The following COG6 variants were observed in gnomAD, a reference collection of about 807,000 sequenced individuals.
COG6 encodes component of oligomeric golgi complex 6, also known as conserved oligomeric Golgi complex subunit 6.
Under a neutral mutation model 88.8 loss-of-function variants are expected in COG6, and 74 were observed. The observed-to-expected ratio is 0.83, with a 90% CI of 0.69 to 1.01. The LOEUF is 1.01. Among genes scored for constraint, COG6 ranks in the 50% least tolerant of loss-of-function variants. The pLI, the probability that COG6 is intolerant of heterozygous loss-of-function variation, is 0.00. For synonymous variants in COG6, 286 were observed against 278.7 expected (o/e 1.03, Z -0.26); for missense variants, 800 against 797.9 (o/e 1.00, Z -0.03).
intron 5 of COG6, 24 bp from the exon 6 acceptor site, chr13:39,679,513 TA>T (rs1259109797): frequency 2.2e-5 from 29 of 1,320,782 alleles, no homozygotes; most frequent in Non-Finnish European, 3.2e-5. Context: ...AGCATGGACA[TA>T]AAGTCACATT....
chr13:39,658,181 C>T (rs1005603449), intron 1 of COG6, among the ~76,000 whole-genome samples: 1 of 147,642 alleles, frequency 6.8e-6, no homozygotes, highest in East Asian at 2.0e-4. Flanking sequence ...CTCACTCTGT[C>T]GCCCAGGCTG....
chr13:39,718,038 T>G (rs960674430), intron 13 of COG6, among the ~76,000 whole-genome samples: 11 of 152,194 alleles, frequency 7.2e-5, no homozygotes, highest in African/African-American at 2.4e-4. Flanking sequence ...TTCTTCAGTC[T>G]TTGAACGTAT....
intron 13 of COG6, among the ~76,000 whole-genome samples, chr13:39,718,790 A>G (rs12870968): frequency 0.078 from 11,779 of 151,892 alleles, 602 homozygotes; most frequent in South Asian, 0.15. Context: ...CAATTCCTGA[A>G]CCCCTAACCT....
chr13:39,747,537 C>G (rs1880409129), intron 18 of COG6, among the ~76,000 whole-genome samples: 2 of 151,950 alleles, frequency 1.3e-5, no homozygotes, highest in African/African-American at 4.8e-5. Flanking sequence ...TTTTTTAACC[C>G]CTTCCATATC....
chr13:39,757,495 A>G (rs1476828042), downstream of COG6, among the ~76,000 whole-genome samples: 1 of 152,092 alleles, frequency 6.6e-6, no homozygotes, highest in Non-Finnish European at 1.5e-5. Flanking sequence ...GAAAAATGAT[A>G]TAGAAGATTA....
At chr13:39,788,306 T>C in intron 18 of COG6, 4 of 1,551,490 alleles carry the variant, frequency 2.6e-6, no homozygotes, top group Non-Finnish European at 3.5e-6. Context: ...TCAGCAACAT[T>C]GTCTTTGATT....
intron 11 of COG6, among the ~76,000 whole-genome samples, chr13:39,692,851 G>C (rs987489065): frequency 6.6e-6 from 1 of 151,954 alleles, no homozygotes; most frequent in Admixed American, 6.6e-5. Context: ...GCCAGGGTCT[G>C]TTCCAACATA....
At chr13:39,694,565 CAT>C (rs1314619202) in intron 11 of COG6, 67 bp from the exon 12 acceptor site, 17 of 919,344 alleles carry the variant, frequency 1.8e-5, no homozygotes, top group Non-Finnish European at 2.9e-5. Context: ...CTATTCATAC[CAT>C]ATGTTATTAA....
At chr13:39,734,171 A>C (rs1879608927) in intron 18 of COG6, among the ~76,000 whole-genome samples, 1 of 151,640 alleles carries the variant, frequency 6.6e-6, no homozygotes. Context: ...TTGCTTTTCT[A>C]GTTCTTTAAA....
intron 18 of COG6, among the ~76,000 whole-genome samples, chr13:39,771,383 C>T (rs1881314658): frequency 6.6e-6 from 1 of 152,214 alleles, no homozygotes; most frequent in African/African-American, 2.4e-5. Flanking sequence ...CCAGAGACAC[C>T]TGGAGGGAGT....
chr13:39,685,746 A>C (rs1876596921), intron 8 of COG6, among the ~76,000 whole-genome samples: 1 of 152,210 alleles, frequency 6.6e-6, no homozygotes, highest in Non-Finnish European at 1.5e-5. Context: ...TGGATTAATA[A>C]TTTAAGAGCA....
chr13:39,675,744 A>T (rs1288674748), intron 4 of COG6, among the ~76,000 whole-genome samples: 1 of 152,120 alleles, frequency 6.6e-6, no homozygotes, highest in African/African-American at 2.4e-5. Context: ...TAATAAATTG[A>T]TTCTAAAGAT....
chr13:39,774,918 G>A (rs1462915234), intron 18 of COG6, among the ~76,000 whole-genome samples: 1 of 152,150 alleles, frequency 6.6e-6, no homozygotes, highest in Non-Finnish European at 1.5e-5. Flanking sequence ...TGCAAAATCA[G>A]TGTGATTGTA....
At chr13:39,697,418 C>T (rs949095798) in intron 12 of COG6, among the ~76,000 whole-genome samples, 4 of 151,834 alleles carry the variant, frequency 2.6e-5, no homozygotes, top group African/African-American at 4.8e-5. Flanking sequence ...ATTTACCTCT[C>T]ATACATTAAA....
At chr13:39,767,346 G>A (rs929608233) in intron 18 of COG6, among the ~76,000 whole-genome samples, 1 of 152,230 alleles carries the variant, frequency 6.6e-6, no homozygotes. Context: ...TGAGAACAAA[G>A]TGAAGCATGA....
Position 39,687,606 on chromosome 13 carries a change from G to A in COG6, c.892G>A (p.Glu298Lys). The part of the protein sequence containing the change: ...GGPGGTPRPI[E>K]MHSHDPLRYV... ...CCCCGGAGGTACACCTAGACCAATT[G>A]AAATGCATTCTCATGACCCTTTGAG... The change falls in exon 9 of 19, where the codon GAA (glutamate) becomes AAA (lysine). Residue 298 changes from glutamate to lysine, a missense_variant. Transcript: ENST00000455146. 1 of 1,613,918 alleles carries A rather than the reference G, an allele frequency of 6.2e-7. No homozygotes were observed. Among genetic ancestry groups the A allele is most frequent in the Non-Finnish European group, 8.5e-7 (1 of 1,180,010 alleles).
chr13:39,732,103 TCCAACTTACATG>T (rs1344843812), intron 18 of COG6, among the ~76,000 whole-genome samples: 8 of 152,182 alleles, frequency 5.3e-5, no homozygotes, highest in African/African-American at 1.7e-4. Context: ...CACTCAGTCT[TCCAACTTACATG>T]CCAATCTCCT....
intron 18 of COG6, among the ~76,000 whole-genome samples, chr13:39,746,407 C>G (rs1227913829): frequency 6.6e-6 from 1 of 152,016 alleles, no homozygotes; most frequent in African/African-American, 2.4e-5. Flanking sequence ...CATGCTAGAA[C>G]CAGTGTTCAG....
At position 39,788,354 on chromosome 13, in the gene COG6, T is replaced by C. The variant is rs550295326; in HGVS notation, c.1846T>C (p.Ter616ArgextTer20). ...TCACAGGCGTCCACCCAACGGCCCA[T>C]GATCATCTTGTAACCAGTGCAGGAC... Residue 616 changes from the stop codon to arginine (R), a stop_lost, in exon 19 of 19, where the codon TGA becomes CGA. Coordinates refer to the COG6 transcript ENST00000416691. 1.4e-5 allele frequency: 22 copies of C among 1,551,800 alleles called. No individual in the cohort carries two copies. The African/African-American group carries it at 2.7e-4, about 19-fold the overall frequency.
Sources: gnomAD v4.1 joint callset for allele counts (sites outside exome capture counted in the v4.1 genomes callset) on GRCh38, gnomAD v4.1.1 for gene constraint, MANE v1.5 for transcripts, NCBI Gene and HGNC (gene_info 2026-07-23, HGNC 2026-07-21) for gene names.